Variants in TXNDC11 observed in about 807,000 individuals in gnomAD.
The protein encoded by TXNDC11 is thioredoxin domain containing 11.
In TXNDC11, 68 loss-of-function variants were observed where a neutral mutation model predicts 78.0. That is an observed-to-expected ratio of 0.87 (90% CI 0.72 to 1.07). The LOEUF (loss-of-function observed/expected upper bound fraction) is 1.07, where lower values mean the gene tolerates loss of function less well. TXNDC11 is among the 50% of genes least tolerant of loss of function. TXNDC11 has a pLI of 0.00. For synonymous variants in TXNDC11, 571 were observed against 495.2 expected, an observed-to-expected ratio of 1.15 and a Z score of -2.03; for missense variants, 1,389 against 1,221.8, an observed-to-expected ratio of 1.14 and a Z score of -2.04.
In TXNDC11 at chr16:11,703,664, G is replaced by C. The variant is rs61595081; in HGVS notation, c.794-3100C>G. The C allele has an allele frequency of 4.5e-3, 3,145 of 702,562 alleles. 80 individuals are homozygous for C. The African/African-American group carries it at 0.049, about 11-fold the overall frequency. The allele number at this position is 702,562 out of a possible 1,614,324, so 43.5% of individuals were successfully genotyped here. A position where few individuals can be genotyped will look rare whatever the true frequency, so the allele number is the denominator to read the frequency against. ...AGTAATGACATCCTAATACCAAAGA[G>C]CATACCTAGCACGTAGATCTTGGTT... On this transcript the variant is annotated intron_variant, in intron 5 of 11. Transcript: ENST00000283033.
chr16:11,730,695 G>C lies in TXNDC11; in HGVS notation c.649C>G (p.Leu217Val), dbSNP rs2052019371. ...KFVRRVMKPL[L>V]YIPSQSELLD... Reference sequence around the variant, plus strand: ...AATTCTGATTGAGATGGGATGTAGAGAAGTGGTTTCATCACCCGGCGGACA... The same window carrying C: ...AATTCTGATTGAGATGGGATGTAGACAAGTGGTTTCATCACCCGGCGGACA... The change falls in exon 4 of 12, where the codon CTC becomes GTC. Residue 217 changes from leucine (L) to valine (V), a missense_variant. Transcript: ENST00000283033. 2 of 1,613,836 alleles carry C rather than the reference G, an allele frequency of 1.2e-6. No homozygotes were observed. Among genetic ancestry groups the C allele is most frequent in the Non-Finnish European group, 1.7e-6 (2 of 1,179,810 alleles).
chr16:11,687,757 A>C, intron 10 of TXNDC11, 100 bp downstream of exon 10: 1 of 788,472 alleles, frequency 1.3e-6, no homozygotes, highest in South Asian at 1.5e-5. Flanking sequence ...ACCAAAGGTT[A>C]ATGGAAAATG....
Position 11,742,608 on chromosome 16 carries a change from T to C in TXNDC11, c.123A>G (p.Thr41=). 1 of 1,460,634 alleles carries C rather than the reference T, an allele frequency of 6.8e-7. No individual in the cohort carries two copies. Among genetic ancestry groups the C allele is most frequent in the African/African-American group, 1.5e-5 (1 of 67,860 alleles). The allele number at this position is 1,460,634 out of a possible 1,614,324, so 90.5% of individuals were successfully genotyped here. A position where few individuals can be genotyped will look rare whatever the true frequency, so the allele number is the denominator to read the frequency against. The change falls in exon 1 of 12, where the codon ACA becomes ACG. Residue 41 remains threonine, a synonymous_variant. Transcript: ENST00000283033. The stretch of plus-strand genomic sequence containing the variant: ...GACGGAGCCGGCCCGCCGAGGACGC[T>C]GTGGCCAGGGTCGGGCTCGAGCTGA... ...DCLSSSPTLA[T]ASSAGRLRRG...
chr16:11,704,123 A>C (rs1186940738), intron 5 of TXNDC11, among the ~76,000 whole-genome samples: 1 of 152,202 alleles, frequency 6.6e-6, no homozygotes, highest in African/African-American at 2.4e-5. Flanking sequence ...AGAAGTGCTC[A>C]TAAAAGGATG....
chr16:11,726,309 G>A (rs916184121), intron 4 of TXNDC11, among the ~76,000 whole-genome samples: 8 of 152,138 alleles, frequency 5.3e-5, no homozygotes, highest in Admixed American at 4.6e-4. Flanking sequence ...TCGGCCGTGT[G>A]CGGTGCCTCA....
chr16:11,700,993 G>A (rs1325614159), intron 5 of TXNDC11, among the ~76,000 whole-genome samples: 2 of 152,152 alleles, frequency 1.3e-5, no homozygotes, highest in African/African-American at 2.4e-5. Flanking sequence ...ATTTAGGGGA[G>A]AGAGTTTACA....
Position 11,687,973 on chromosome 16 carries a change from G to C in TXNDC11, c.2044-7C>G. 6.3e-7 allele frequency: 1 copy of C among 1,596,990 alleles called. No individual in the cohort carries two copies. Among genetic ancestry groups the C allele is most frequent in the Non-Finnish European group, 8.6e-7 (1 of 1,165,140 alleles). On this transcript the variant is annotated splice_polypyrimidine_tract_variant and splice_region_variant and intron_variant, in intron 9 of 11. Transcript: ENST00000283033. Reference sequence around the variant, plus strand: ...AATAGAGCAGGAGAACGTCCTGTGGGAAAGGGAAGACAGATGTTACTTGCA... The same window carrying C: ...AATAGAGCAGGAGAACGTCCTGTGGCAAAGGGAAGACAGATGTTACTTGCA...
intron 4 of TXNDC11, among the ~76,000 whole-genome samples, chr16:11,725,550 G>C (rs2051850438): frequency 6.6e-6 from 1 of 152,158 alleles, no homozygotes; most frequent in South Asian, 2.1e-4. Context: ...AGAATTTGGG[G>C]AGCCACAAGG....
rs531148613 is a variant in TXNDC11 at position 11,721,516 on chromosome 16, G to A, written c.793+61C>T. The A allele has an allele frequency of 5.7e-6, 5 of 871,096 alleles. No homozygotes were observed. The East Asian group carries it at 1.4e-4, about 24-fold the overall frequency. 54.0% of individuals were successfully genotyped at this position (871,096 alleles called of 1,614,324 possible). On this transcript the variant is annotated intron_variant, in intron 5 of 11. Coordinates refer to ENST00000283033, the MANE Select transcript of TXNDC11 (RefSeq NM_015914.7). ...GAATATATATTCATAATAACACATG[G>A]AAAAGATGTAAGTAACAATTCTACT...
At chr16:11,681,320 T>A (rs951098618) in intron 11 of TXNDC11, among the ~76,000 whole-genome samples, 2 of 152,216 alleles carry the variant, frequency 1.3e-5, no homozygotes, top group Non-Finnish European at 2.9e-5. Context: ...CGTGAATTAC[T>A]TCCCAGAAAA....
intron 11 of TXNDC11, among the ~76,000 whole-genome samples, chr16:11,683,308 A>T (rs1185688661): frequency 1.3e-5 from 2 of 152,130 alleles, no homozygotes; most frequent in African/African-American, 4.8e-5. Flanking sequence ...AGTGTGAAAA[A>T]ATCAAGCGAC....
intron 7 of TXNDC11, among the ~76,000 whole-genome samples, chr16:11,694,814 C>G (rs1038695590): frequency 1.7e-4 from 26 of 152,140 alleles, no homozygotes; most frequent in African/African-American, 6.3e-4. Flanking sequence ...ATTTATGTTT[C>G]TATTCCTTTT....
At chr16:11,688,554 A>AT in intron 8 of TXNDC11, 109 bp from the exon 9 acceptor site, 2 of 932,642 alleles carry the variant, frequency 2.1e-6, no homozygotes, top group East Asian at 5.3e-5. Context: ...ATAGGCTCAC[A>AT]TTTTTAACAT....
intron 5 of TXNDC11, among the ~76,000 whole-genome samples, chr16:11,717,605 A>T (rs1046652594): frequency 4.6e-5 from 7 of 151,960 alleles, no homozygotes; most frequent in Admixed American, 6.6e-5. Flanking sequence ...GCGGATCATG[A>T]GGTCAGGAGT....
intron 5 of TXNDC11, among the ~76,000 whole-genome samples, chr16:11,704,201 A>T (rs2051113056): frequency 6.6e-6 from 1 of 152,228 alleles, no homozygotes; most frequent in Admixed American, 6.5e-5. Context: ...GAACAATTTG[A>T]GCAACAAAAT....
intron 6 of TXNDC11, 30 bp from the exon 7 acceptor site, chr16:11,698,355 G>T: frequency 6.2e-7 from 1 of 1,604,884 alleles, no homozygotes; most frequent in South Asian, 1.1e-5. Context: ...AGAGGATAAA[G>T]GAGAGCTCGT....
chr16:11,704,034 G>A (rs1016011360), intron 5 of TXNDC11, among the ~76,000 whole-genome samples: 3 of 152,212 alleles, frequency 2.0e-5, no homozygotes, highest in Admixed American at 1.3e-4. Flanking sequence ...GCAGGTTGCA[G>A]TGAGCCGAGA....
chr16:11,725,438 A>G (rs1014963777), intron 4 of TXNDC11, among the ~76,000 whole-genome samples: 1 of 152,210 alleles, frequency 6.6e-6, no homozygotes, highest in African/African-American at 2.4e-5. Flanking sequence ...AGTTTCAAAA[A>G]ATGACATTAA....
At position 11,742,501 on chromosome 16, in the gene TXNDC11, A is replaced by C; in HGVS notation, c.230T>G (p.Leu77Arg). The C allele has an allele frequency of 1.4e-6, 2 of 1,453,684 alleles. No individual in the cohort carries two copies. The highest frequency in any genetic ancestry group is 1.8e-6 in the Non-Finnish European group (2 of 1,111,304). The allele number at this position is 1,453,684 out of a possible 1,614,324, so 90.0% of individuals were successfully genotyped here. A position where few individuals can be genotyped will look rare whatever the true frequency, so the allele number is the denominator to read the frequency against. The change falls in exon 1 of 12, where the codon CTC becomes CGC. Residue 77 changes from leucine (L) to arginine (R), a missense_variant. Transcript: ENST00000283033. ...CGAVALGCAL[L>R]LALKFTCSRA... ...CCTGCAGGTGAACTTGAGGGCGAGG[A>C]GCAGCGCGCAGCCGAGCGCCACGGC...
Sources: gnomAD v4.1 joint callset for allele counts (sites outside exome capture counted in the v4.1 genomes callset) on GRCh38, gnomAD v4.1.1 for gene constraint, MANE v1.5 for transcripts, NCBI Gene and HGNC (gene_info 2026-07-23, HGNC 2026-07-21) for gene names.